SNTB2: variants seen among roughly 807,000 people sequenced by gnomAD.
The protein encoded by SNTB2 is syntrophin beta 2, also known as beta-2-syntrophin.
SNTB2 carries 34 observed loss-of-function variants against 46.2 expected under a neutral mutation model. The ratio of observed to expected loss-of-function variants is 0.74; its 90% CI spans 0.56 to 0.98. The LOEUF is 0.98. SNTB2 is among the 50% of genes least tolerant of loss of function. The pLI is 0.00. For missense variants in SNTB2, 603 were observed against 731.4 expected (o/e 0.82, Z 2.02); for synonymous variants, 290 against 312.6 (o/e 0.93, Z 0.76).
chr16:69,249,780 G>A (rs1042808587), intron 2 of SNTB2, among the ~76,000 whole-genome samples: 1 of 152,164 alleles, frequency 6.6e-6, no homozygotes, highest in Non-Finnish European at 1.5e-5. Context: ...ATGCTGCAAA[G>A]TAACTTGTTC....
intron 4 of SNTB2, 49 bp downstream of exon 4, chr16:69,270,334 T>C (rs1964925748): frequency 6.2e-7 from 1 of 1,602,106 alleles, no homozygotes; most frequent in African/African-American, 1.3e-5. Context: ...CTACTCTAAA[T>C]CTACAAAAGA....
Position 69,238,085 on chromosome 16 carries a change from C to T in SNTB2, c.581-7517C>T, listed in dbSNP as rs368025135. ...TTCTCTACATGCCATCTGTCCCGGA[C>T]GCTGACCTGCGTGGACAACATCAGC... is the stretch of plus-strand genomic sequence containing the variant. On this transcript the variant is annotated intron_variant, in intron 1 of 6. Transcript: ENST00000336278. Among the ~76,000 whole-genome samples the T allele has an allele frequency of 1.4e-4, 21 of 152,136 alleles. No homozygotes were observed. In the East Asian group the frequency reaches 1.7e-3, roughly 13 times the overall value.
intron 2 of SNTB2, among the ~76,000 whole-genome samples, chr16:69,254,517 A>G (rs1964754714): frequency 6.6e-6 from 1 of 152,218 alleles, no homozygotes; most frequent in African/African-American, 2.4e-5. Context: ...GACTTCTTAC[A>G]TACAACCCCA....
chr16:69,217,479 AT>A (rs1236950716), intron 1 of SNTB2, among the ~76,000 whole-genome samples: 6 of 152,312 alleles, frequency 3.9e-5, no homozygotes, highest in Middle Eastern at 3.4e-3. Context: ...TCTCAAAAAA[AT>A]AAAATTAAAA....
At chr16:69,199,187 G>A (rs987239797) in intron 1 of SNTB2, among the ~76,000 whole-genome samples, 2 of 152,138 alleles carry the variant, frequency 1.3e-5, no homozygotes, top group African/African-American at 4.8e-5. Flanking sequence ...GAGCCACCAC[G>A]CCTGGCCTAT....
intron 3 of SNTB2, among the ~76,000 whole-genome samples, chr16:69,269,141 C>G (rs1964913796): frequency 6.6e-6 from 1 of 151,718 alleles, no homozygotes; most frequent in African/African-American, 2.4e-5. Context: ...TGCACTCCAG[C>G]CTGGGCAACA....
chr16:69,251,486 A>T lies in SNTB2; in HGVS notation c.794+5671A>T, dbSNP rs1470515832. ...TTTAGTTTAAAAAAAAAAAAAAAAA[A>T]AAAAAAACTAGGCCAGGCACAGTGG... On this transcript the variant is annotated intron_variant, in intron 2 of 6. Transcript: ENST00000336278. Among the ~76,000 whole-genome samples the T allele has an allele frequency of 3.2e-4, 48 of 149,482 alleles. 1 individual carries two copies. The highest frequency in any genetic ancestry group is 9.2e-4 in the African/African-American group (38 of 41,138).
At position 69,292,387 on chromosome 16, in the gene SNTB2, ATAT is replaced by A. The variant is rs1398633793; in HGVS notation, c.1346-7199_1346-7197del. ...ATATATATATATATATATTATATAT[ATAT>A]TATATATATATATATATTATATATA... On this transcript the variant is annotated intron_variant, in intron 5 of 6. Coordinates refer to ENST00000336278, the MANE Select transcript of SNTB2 (RefSeq NM_006750.4). Among the ~76,000 whole-genome samples the A allele has an allele frequency of 5.8e-4, 8 of 13,784 alleles. 1 individual carries two copies. Among genetic ancestry groups the A allele is most frequent in the South Asian group, 4.3e-3 (1 of 234 alleles). The allele number at this position is 13,784 out of a possible 152,430, so 9.0% of individuals were successfully genotyped here.
At chr16:69,227,504 G>A (rs559912185) in intron 1 of SNTB2, among the ~76,000 whole-genome samples, 2 of 152,298 alleles carry the variant, frequency 1.3e-5, no homozygotes, top group South Asian at 2.1e-4. Context: ...TTATGAATGT[G>A]CAAAATAATG....
chr16:69,202,772 C>T (rs374438940), intron 1 of SNTB2, among the ~76,000 whole-genome samples: 8 of 151,176 alleles, frequency 5.3e-5, no homozygotes, highest in African/African-American at 1.9e-4. Flanking sequence ...GATGGGGTTT[C>T]GCCATGTTGG....
chr16:69,261,587 AAATT>A (rs1248179668), intron 3 of SNTB2, among the ~76,000 whole-genome samples: 1 of 152,304 alleles, frequency 6.6e-6, no homozygotes, highest in East Asian at 1.9e-4. Flanking sequence ...TTAGAATAAA[AAATT>A]AATGAAAGTC....
intron 1 of SNTB2, among the ~76,000 whole-genome samples, chr16:69,231,331 G>C (rs1333596023): frequency 2.0e-5 from 3 of 152,106 alleles, no homozygotes; most frequent in African/African-American, 7.2e-5. Flanking sequence ...GCTCATGCCT[G>C]TAATCCCAGC....
In SNTB2 at chr16:69,296,582, C is replaced by T. The variant is rs1219887431; in HGVS notation, c.1346-3008C>T. On this transcript the variant is annotated intron_variant, in intron 5 of 6. Coordinates refer to ENST00000336278, the MANE Select transcript of SNTB2 (RefSeq NM_006750.4). ...CTAAAAATACAAAAAATCAGCCAGG[C>T]CTGGTGGCACATGCCTGTAATCCCA... Among the ~76,000 whole-genome samples, 23 of 150,174 alleles carry T rather than the reference C, an allele frequency of 1.5e-4. No homozygotes were observed. In the South Asian group the frequency reaches 4.7e-3, roughly 30 times the overall value.
chr16:69,235,715 C>G (rs1400040369), intron 1 of SNTB2: 2 of 1,287,642 alleles, frequency 1.6e-6, no homozygotes, highest in Non-Finnish European at 2.0e-6. Context: ...GGGCTAACAA[C>G]ATAGTACCAG....
chr16:69,248,000 GTA>G (rs1964686762), intron 2 of SNTB2, among the ~76,000 whole-genome samples: 5 of 152,136 alleles, frequency 3.3e-5, no homozygotes, highest in Non-Finnish European at 5.9e-5. Flanking sequence ...GCATGCACCT[GTA>G]GTCCTAGCTA....
chr16:69,289,087 T>C (rs1016697283), intron 5 of SNTB2, among the ~76,000 whole-genome samples: 1 of 151,774 alleles, frequency 6.6e-6, no homozygotes, highest in African/African-American at 2.4e-5. Context: ...CTGACCAACA[T>C]GGAGAAACCC....
At chr16:69,190,500 G>A (rs370033168) in intron 1 of SNTB2, among the ~76,000 whole-genome samples, 1 of 152,214 alleles carries the variant, frequency 6.6e-6, no homozygotes, top group Non-Finnish European at 1.5e-5. Flanking sequence ...GAGTTGAGAT[G>A]TGGGGAAACG....
intron 1 of SNTB2, chr16:69,240,824 C>T (rs1964604681): frequency 1.3e-5 from 2 of 152,200 alleles, no homozygotes; most frequent in African/African-American, 4.8e-5. Context: ...ATTATGTATC[C>T]TTTTTGGATA....
chr16:69,215,062 C>T (rs913180855), intron 1 of SNTB2, among the ~76,000 whole-genome samples: 3 of 151,756 alleles, frequency 2.0e-5, no homozygotes, highest in African/African-American at 7.3e-5. Context: ...AGGCTGTTCC[C>T]GAACTCCTGA....
Sources: allele counts gnomAD v4.1 joint callset (sites outside exome capture counted in the v4.1 genomes callset), GRCh38; gene constraint gnomAD v4.1.1; transcripts MANE v1.5; gene names NCBI Gene and HGNC (gene_info 2026-07-23, HGNC 2026-07-21).